Variants in RBM41 observed in about 807,000 individuals in gnomAD.
RBM41 encodes RNA-binding protein 41.
RBM41 carries 14 observed loss-of-function variants against 30.8 expected under a neutral mutation model. That is an observed-to-expected ratio of 0.45 (90% CI 0.30 to 0.71). The LOEUF (loss-of-function observed/expected upper bound fraction) is 0.71, where lower values mean the gene tolerates loss of function less well. Among genes scored for constraint, RBM41 ranks in the 30% least tolerant of loss-of-function variants. RBM41 has a pLI of 0.08. For missense variants in RBM41, 276 were observed against 326.3 expected, an observed-to-expected ratio of 0.85 and a Z score of 1.19; for synonymous variants, 120 against 110.1, an observed-to-expected ratio of 1.09 and a Z score of -0.56.
intron 6 of RBM41, among the ~76,000 whole-genome samples, chrX:107,071,135 T>C (rs1157654606): frequency 9.3e-6 from 1 of 107,328 alleles, no homozygotes; most frequent in African/African-American, 3.4e-5. Flanking sequence ...TTAAAACAGA[T>C]TGTTTTACCA....
chrX:107,065,428 TAACTA>T lies in RBM41; in HGVS notation c.*2094_*2098del, dbSNP rs1935798613. On this transcript the variant is annotated 3_prime_UTR_variant, in exon 8 of 8. Transcript: ENST00000685964. ...GCTCTAGGGCTTACCATACACATCT[TAACTA>T]AACAGAATAGGCTTCAGATAAACAC... 3 of 150,441 alleles carry T rather than the reference TAACTA, an allele frequency of 2.0e-5. No homozygotes were observed. Among genetic ancestry groups the T allele is most frequent in the South Asian group, 6.3e-4 (2 of 3,171 alleles). 12.4% of individuals were successfully genotyped at this position (150,441 alleles called of 1,213,427 possible). A position where few individuals can be genotyped will look rare whatever the true frequency, so the allele number is the denominator to read the frequency against.
intron 5 of RBM41, among the ~76,000 whole-genome samples, chrX:107,104,790 C>T (rs1189260474): frequency 9.0e-6 from 1 of 111,221 alleles, no homozygotes; most frequent in Non-Finnish European, 1.9e-5. Flanking sequence ...CTGCTGGATT[C>T]GGTTTGCCAG....
chrX:107,074,516 G>C (rs1223086708), intron 6 of RBM41, among the ~76,000 whole-genome samples: 1 of 111,065 alleles, frequency 9.0e-6, no homozygotes, highest in Non-Finnish European at 1.9e-5. Context: ...GGAAATAATA[G>C]AAAAAAATTA....
chrX:107,071,553 A>T (rs763884248), intron 6 of RBM41, among the ~76,000 whole-genome samples: 2 of 111,908 alleles, frequency 1.8e-5, no homozygotes, highest in East Asian at 5.6e-4. Flanking sequence ...AAGCTCATAC[A>T]CCTTGACTAA....
At chrX:107,084,898 A>C (rs925583758) in intron 6 of RBM41, among the ~76,000 whole-genome samples, 1 of 112,333 alleles carries the variant, frequency 8.9e-6, no homozygotes, top group Non-Finnish European at 1.9e-5. Context: ...TGAAACTAGA[A>C]ATCTGCAACT....
chrX:107,058,405 A>G (rs1489875668), downstream of RBM41, among the ~76,000 whole-genome samples: 2 of 111,184 alleles, frequency 1.8e-5, no homozygotes, highest in African/African-American at 6.5e-5. Context: ...AAAACACCTT[A>G]CATGTATTAA....
rs771518597 is a variant in RBM41 at position 107,118,785 on chromosome X, C to A, written c.-12G>T. 1 of 1,211,538 alleles carries A rather than the reference C, an allele frequency of 8.3e-7. No individual in the cohort carries two copies. Among genetic ancestry groups the A allele is most frequent in the Non-Finnish European group, 1.1e-6 (1 of 895,429 alleles). ...CCTTACCTCTTCATGTTTCCACAGG[C>A]CCCTACCTCCAACTTGGGTAAATAG... is the stretch of plus-strand genomic sequence containing the variant. On this transcript the variant is annotated 5_prime_UTR_variant, in exon 1 of 8. Transcript: ENST00000685964.
At position 107,062,220 on chromosome X, in the gene RBM41, A is replaced by T. The variant is rs1935665085; in HGVS notation, c.*5307T>A. Reference sequence around the variant, plus strand: ...GTAAAATGCATTTAAGATTCATCCAAGTGGTTGCATGTGTATTTCATTAGT... The same window carrying T: ...GTAAAATGCATTTAAGATTCATCCATGTGGTTGCATGTGTATTTCATTAGT... On this transcript the variant is annotated 3_prime_UTR_variant, in exon 8 of 8. Coordinates refer to ENST00000685964, the MANE Select transcript of RBM41 (RefSeq NM_001324242.2). Among the ~76,000 whole-genome samples, 1 of 112,030 alleles carries T rather than the reference A, an allele frequency of 8.9e-6. No homozygotes were observed. The highest frequency in any genetic ancestry group is 3.2e-5 in the African/African-American group (1 of 30,833).
intron 5 of RBM41, among the ~76,000 whole-genome samples, chrX:107,107,499 T>C (rs1924107154): frequency 8.9e-6 from 1 of 111,798 alleles, no homozygotes; most frequent in African/African-American, 3.2e-5. Context: ...AGGAGATAGA[T>C]TGTTGAACAA....
chrX:107,083,484 A>G (rs902153386), intron 6 of RBM41, among the ~76,000 whole-genome samples: 49 of 110,783 alleles, frequency 4.4e-4, no homozygotes, highest in African/African-American at 1.5e-3. Context: ...ACTACTTCAA[A>G]TATTTCTTCT....
At position 107,085,692 on chromosome X, in the gene RBM41, T is replaced by C. The variant is rs555401963; in HGVS notation, c.999+2744A>G. Among the ~76,000 whole-genome samples the C allele has an allele frequency of 2.5e-4, 28 of 112,271 alleles. No individual in the cohort carries two copies. In the South Asian group the frequency reaches 0.01, roughly 42 times the overall value. ...TTACTAATGAGATTTCTTAAGTCTA[T>C]AGGCCACTGGTGTTTTTGCCTCTGT... On this transcript the variant is annotated intron_variant, in intron 6 of 7. Coordinates refer to ENST00000685964, the MANE Select transcript of RBM41 (RefSeq NM_001324242.2).
intron 5 of RBM41, among the ~76,000 whole-genome samples, chrX:107,105,118 C>T (rs1466709588): frequency 6.3e-5 from 7 of 110,979 alleles, no homozygotes; most frequent in Admixed American, 1.9e-4. Flanking sequence ...TCTAGAAAAC[C>T]CCACCGTCTC....
intron 6 of RBM41, among the ~76,000 whole-genome samples, chrX:107,083,600 TC>T (rs1300617539): frequency 1.8e-5 from 2 of 111,647 alleles, no homozygotes; most frequent in East Asian, 5.6e-4. Flanking sequence ...AGTCTTTTTT[TC>T]CTTTGTATTT....
Position 107,118,283 on chromosome X carries a change from T to G in RBM41, c.8+483A>C, listed in dbSNP as rs772439562. ...GAAACAAAGTACCGCTCCCTTACTT[T>G]AAGATTCGAAAGCGCTACATGGTTT... On this transcript the variant is annotated intron_variant, in intron 1 of 7. Coordinates refer to ENST00000685964, the MANE Select transcript of RBM41 (RefSeq NM_001324242.2). Among the ~76,000 whole-genome samples, 4 of 102,320 alleles carry G rather than the reference T, an allele frequency of 3.9e-5. No individual in the cohort carries two copies. In the South Asian group the frequency reaches 1.5e-3, roughly 38 times the overall value. The allele number at this position is 102,320 out of a possible 115,157, so 88.9% of individuals were successfully genotyped here.
intron 6 of RBM41, chrX:107,070,183 C>G (rs1156826378): frequency 6.2e-6 from 2 of 321,834 alleles, no homozygotes; most frequent in East Asian, 2.0e-4. Context: ...CCCTCCCTCA[C>G]AATATGCTAT....
chrX:107,083,533 T>C (rs1034753450), intron 6 of RBM41, among the ~76,000 whole-genome samples: 2 of 111,499 alleles, frequency 1.8e-5, no homozygotes, highest in South Asian at 3.8e-4. Flanking sequence ...TCCAATAACA[T>C]GTATGTTATA....
Position 107,088,458 on chromosome X carries a change from T to C in RBM41, c.977A>G (p.Tyr326Cys), listed in dbSNP as rs760663504. The C allele has an allele frequency of 5.0e-6, 6 of 1,211,484 alleles. No homozygotes were observed. Among genetic ancestry groups the C allele is most frequent in the African/African-American group, 1.7e-5 (1 of 57,881 alleles). ...EIRKIPMFSSYNPGEPNKVLY... is the reference protein window; with the variant it reads ...EIRKIPMFSSCNPGEPNKVLY... The stretch of plus-strand genomic sequence containing the variant: ...TACCTTGTTTGGTTCCCCTGGATTA[T>C]ATGAAGAAAACATAGGAATTTTTCG... Residue 326 changes from tyrosine to cysteine, a missense_variant, in exon 6 of 8, where the codon TAT becomes TGT. Transcript: ENST00000685964.
intron 5 of RBM41, among the ~76,000 whole-genome samples, chrX:107,107,215 A>T (rs968851412): frequency 5.4e-5 from 6 of 111,286 alleles, no homozygotes; most frequent in Non-Finnish European, 5.7e-5. Context: ...TATTTGGAAG[A>T]TAAAAGGGAT....
At chrX:107,088,946 G>A in intron 5 of RBM41, 107 bp from the exon 6 acceptor site, 1 of 1,034,718 alleles carries the variant, frequency 9.7e-7, no homozygotes, top group Non-Finnish European at 1.3e-6. Flanking sequence ...AACACTGCTG[G>A]GGCAGGTCTT....
Sources: allele counts gnomAD v4.1 joint callset (sites outside exome capture counted in the v4.1 genomes callset), GRCh38; gene constraint gnomAD v4.1.1; transcripts MANE v1.5; gene names NCBI Gene and HGNC (gene_info 2026-07-23, HGNC 2026-07-21).